Variants in BTBD7 observed in about 807,000 individuals in gnomAD.
The protein encoded by BTBD7 is BTB domain containing 7.
In BTBD7, 38 loss-of-function variants were observed where a neutral mutation model predicts 99.9. The ratio of observed to expected loss-of-function variants is 0.38; its 90% CI spans 0.29 to 0.50. The LOEUF (loss-of-function observed/expected upper bound fraction) is 0.50. BTBD7 is among the 20% of genes least tolerant of loss of function. BTBD7 has a pLI of 0.93. For missense variants in BTBD7, 1,170 were observed against 1,394.6 expected (o/e 0.84, Z 2.57); for synonymous variants, 520 against 511.4 (o/e 1.02, Z -0.23).
At position 93,301,310 on chromosome 14, in the gene BTBD7, G is replaced by C. The variant is rs527283180; in HGVS notation, c.-106-5153C>G. ...GGGTTCAAGCGATTCTCCTGCCTCA[G>C]CCTCCTGAGTAGCTGGGATTACAGG... On this transcript the variant is annotated intron_variant, in intron 1 of 10. Coordinates refer to ENST00000334746, the MANE Select transcript of BTBD7 (RefSeq NM_001002860.4). 6.7e-3 allele frequency among the ~76,000 whole-genome samples: 1,025 copies of C among 151,988 alleles called. 6 individuals carry two copies. The highest frequency in any genetic ancestry group is 0.011 in the Admixed American group (175 of 15,278).
intron 1 of BTBD7, among the ~76,000 whole-genome samples, 187 bp downstream of exon 1, chr14:93,332,633 G>A (rs1460017365): frequency 1.3e-5 from 2 of 151,370 alleles, no homozygotes; most frequent in Non-Finnish European, 2.9e-5. Context: ...GTCCGGCGCC[G>A]CCGCGCCTCA....
intron 3 of BTBD7, among the ~76,000 whole-genome samples, chr14:93,286,776 T>C (rs1485608919): frequency 6.6e-6 from 1 of 152,216 alleles, no homozygotes; most frequent in Non-Finnish European, 1.5e-5. Flanking sequence ...GCTGACAGGA[T>C]GACCAATGGA....
chr14:93,324,413 C>T (rs1389067702), intron 1 of BTBD7, among the ~76,000 whole-genome samples: 1 of 69,054 alleles, frequency 1.4e-5, no homozygotes, highest in Admixed American at 1.3e-4. Context: ...CAGAGCGAGA[C>T]CCTGTCTCAA....
At chr14:93,305,982 C>G in intron 1 of BTBD7, among the ~76,000 whole-genome samples, 1 of 152,320 alleles carries the variant, frequency 6.6e-6, no homozygotes, top group East Asian at 1.9e-4. Flanking sequence ...TTATCTAATC[C>G]TAATTACTTT....
At chr14:93,287,921 G>C (rs1449386793) in intron 3 of BTBD7, 1 of 152,256 alleles carries the variant, frequency 6.6e-6, no homozygotes, top group Non-Finnish European at 1.5e-5. Flanking sequence ...GCAGTTTTTC[G>C]AGGTATGACT....
rs780570895 is a variant in BTBD7 at position 93,294,672 on chromosome 14, T to C, written c.348A>G (p.Leu116=). 5 of 1,614,186 alleles carry C rather than the reference T, an allele frequency of 3.1e-6. No individual in the cohort carries two copies. Among genetic ancestry groups the C allele is most frequent in the South Asian group, 1.1e-5 (1 of 91,080 alleles). ...EGTSALKELS[L]QASLARPEAR... ...CTTCTGGTCTAGCCAAACTGGCTTGTAGAGAAAGCTCCTTTAATGCTGATG... is the reference window on the plus strand; with the variant it reads ...CTTCTGGTCTAGCCAAACTGGCTTGCAGAGAAAGCTCCTTTAATGCTGATG... The change falls in exon 3 of 11, where the codon CTA becomes CTG. Residue 116 remains leucine, a synonymous_variant. Coordinates refer to ENST00000334746, the MANE Select transcript of BTBD7 (RefSeq NM_001002860.4).
In BTBD7 at chr14:93,246,298, T is replaced by TA. The variant is rs55659625; in HGVS notation, c.2122-13dup. 0.011 allele frequency: 14,823 copies of TA among 1,334,820 alleles called. No homozygotes were observed. Among genetic ancestry groups the TA allele is most frequent in the South Asian group, 0.013 (677 of 51,000 alleles). 82.7% of individuals were successfully genotyped at this position (1,334,820 alleles called of 1,614,324 possible). A position where few individuals can be genotyped will look rare whatever the true frequency, so the allele number is the denominator to read the frequency against. ...AATTTGTGAGGATTCTAAAAAAGATTAAAAAAAAAAAAAAAGGACATTTAT... is the reference window on the plus strand; with the variant it reads ...AATTTGTGAGGATTCTAAAAAAGATTAAAAAAAAAAAAAAAAGGACATTTAT... On this transcript the variant is annotated splice_polypyrimidine_tract_variant and intron_variant, in intron 9 of 10. Transcript: ENST00000334746.
chr14:93,282,648 C>T (rs2052734480), intron 3 of BTBD7, among the ~76,000 whole-genome samples: 1 of 151,980 alleles, frequency 6.6e-6, no homozygotes, highest in African/African-American at 2.4e-5. Flanking sequence ...GGTTTTAAGA[C>T]AGAAACTTCA....
At chr14:93,269,414 A>G (rs2052577332) in intron 3 of BTBD7, among the ~76,000 whole-genome samples, 1 of 152,172 alleles carries the variant, frequency 6.6e-6, no homozygotes, top group South Asian at 2.1e-4. Flanking sequence ...TTGGTAATGG[A>G]CAAGTCCTGT....
chr14:93,275,943 G>A (rs2052651797), intron 3 of BTBD7, among the ~76,000 whole-genome samples: 1 of 152,190 alleles, frequency 6.6e-6, no homozygotes, highest in African/African-American at 2.4e-5. Flanking sequence ...GCCATGCATG[G>A]TGGCTCACGC....
At chr14:93,289,828 G>A (rs987743824) in intron 3 of BTBD7, among the ~76,000 whole-genome samples, 5 of 148,692 alleles carry the variant, frequency 3.4e-5, no homozygotes, top group Non-Finnish European at 5.9e-5. Context: ...CTCTGTGTAG[G>A]CCAAGAATCT....
chr14:93,246,130 G>A lies in BTBD7; in HGVS notation c.2278C>T (p.Pro760Ser), dbSNP rs118092506. The change falls in exon 10 of 11, where the codon CCT becomes TCT. Residue 760 changes from proline to serine, a missense_variant. Transcript: ENST00000334746. The part of the protein sequence containing the change: ...SFVAFHPPLP[P>S]PPPPYHPPAT... ...GGGGGGTGGTAGGGAGGTGGTGGAG[G>A]GGGCAAGGGTGGATGGAAGGCCACA... 60 of 1,271,502 alleles carry A rather than the reference G, an allele frequency of 4.7e-5. No individual in the cohort carries two copies. Among genetic ancestry groups the A allele is most frequent in the Non-Finnish European group, 6.5e-5 (60 of 920,450 alleles). The allele number at this position is 1,271,502 out of a possible 1,614,324, so 78.8% of individuals were successfully genotyped here. A position where few individuals can be genotyped will look rare whatever the true frequency, so the allele number is the denominator to read the frequency against.
intron 3 of BTBD7, among the ~76,000 whole-genome samples, chr14:93,277,372 C>T (rs1044420747): frequency 2.0e-5 from 3 of 152,134 alleles, no homozygotes; most frequent in Non-Finnish European, 2.9e-5. Flanking sequence ...CAGTTCTCTG[C>T]ACAAAGACAC....
At chr14:93,283,025 A>C (rs1222864888) in intron 3 of BTBD7, among the ~76,000 whole-genome samples, 1 of 152,202 alleles carries the variant, frequency 6.6e-6, no homozygotes, top group African/African-American at 2.4e-5. Context: ...TTATCAGAGA[A>C]AAGGTTTTGC....
At chr14:93,300,299 C>G (rs1009675319) in intron 1 of BTBD7, among the ~76,000 whole-genome samples, 11 of 149,740 alleles carry the variant, frequency 7.3e-5, no homozygotes, top group African/African-American at 1.5e-4. Flanking sequence ...GCTCTGTCGC[C>G]CAGCCTGGAG....
rs576283863 is a variant in BTBD7, at chr14:93,291,169, GA to G, written c.1162+2688del. On this transcript the variant is annotated intron_variant, in intron 3 of 10. Coordinates refer to ENST00000334746, the MANE Select transcript of BTBD7 (RefSeq NM_001002860.4). ...TTTTTTAAACTTAAAGTTATTTTTA[GA>G]AAAAAACTATATGGTAGTGAGAGAC... Among the ~76,000 whole-genome samples the G allele has an allele frequency of 1.6e-3, 244 of 151,832 alleles. 2 individuals are homozygous for G. The highest frequency in any genetic ancestry group is 5.4e-3 in the African/African-American group (222 of 41,416).
chr14:93,267,865 T>A (rs1054919963), intron 3 of BTBD7, among the ~76,000 whole-genome samples: 1 of 152,218 alleles, frequency 6.6e-6, no homozygotes, highest in Admixed American at 6.5e-5. Flanking sequence ...AAATGGCTTT[T>A]AAAAAATTCC....
intron 1 of BTBD7, among the ~76,000 whole-genome samples, chr14:93,316,091 A>G (rs1181273959): frequency 6.6e-6 from 1 of 151,404 alleles, no homozygotes; most frequent in East Asian, 2.0e-4. Context: ...AGCTGGGATT[A>G]CAGGCATCTG....
chr14:93,256,966 A>G (rs779378736), intron 6 of BTBD7: 1 of 485,708 alleles, frequency 2.1e-6, no homozygotes, highest in Non-Finnish European at 3.6e-6. Flanking sequence ...ATGCTCTTGC[A>G]TGAGTAAGAC....
Sources: gnomAD v4.1 joint callset for allele counts (sites outside exome capture counted in the v4.1 genomes callset) on GRCh38, gnomAD v4.1.1 for gene constraint, MANE v1.5 for transcripts, NCBI Gene and HGNC (gene_info 2026-07-23, HGNC 2026-07-21) for gene names.